SNX29: variants seen among roughly 807,000 people sequenced by gnomAD.
SNX29 encodes the protein sorting nexin 29, also known as sorting nexin-29.
A neutral mutation model predicts 102.1 loss-of-function variants in SNX29; 78 were observed. The observed-to-expected ratio is 0.76, with a 90% CI of 0.64 to 0.92. SNX29 has a LOEUF of 0.92. SNX29 is among the 40% of genes least tolerant of loss of function. SNX29 has a pLI of 0.00. For missense variants in SNX29, 1,280 were observed against 1,061.7 expected (o/e 1.21, Z -2.86); for synonymous variants, 580 against 414.5 (o/e 1.40, Z -4.85).
At chr16:12,441,089 C>CTT (rs34125065) in intron 18 of SNX29, among the ~76,000 whole-genome samples, 7 of 102,690 alleles carry the variant, frequency 6.8e-5, no homozygotes, top group Non-Finnish European at 1.1e-4. Flanking sequence ...TACTTCATTC[C>CTT]TTTTTTTTTT....
chr16:12,094,302 A>G (rs4781179), intron 11 of SNX29, among the ~76,000 whole-genome samples: 4,190 of 152,334 alleles, frequency 0.028, 77 homozygotes, highest in Non-Finnish European at 0.042. Flanking sequence ...CCAAGAGAGT[A>G]TCTGGCATCT....
intron 18 of SNX29, among the ~76,000 whole-genome samples, chr16:12,465,851 A>G (rs890067353): frequency 4.0e-5 from 6 of 148,730 alleles, no homozygotes; most frequent in African/African-American, 1.5e-4. Flanking sequence ...TTTTTTTTTC[A>G]GTTTATTTCA....
chr16:12,458,759 C>G (rs191729087), intron 18 of SNX29, among the ~76,000 whole-genome samples: 3 of 152,250 alleles, frequency 2.0e-5, no homozygotes, highest in Admixed American at 2.0e-4. Flanking sequence ...CACTCCCCTT[C>G]TCTTCCTGCA....
intron 19 of SNX29, among the ~76,000 whole-genome samples, chr16:12,502,866 A>AG (rs983705857): frequency 2.0e-5 from 3 of 152,186 alleles, no homozygotes; most frequent in Admixed American, 2.0e-4. Context: ...TCATGGTTAA[A>AG]GGTCACTACT....
At chr16:12,231,543 C>G (rs72786309) in intron 14 of SNX29, among the ~76,000 whole-genome samples, 1 of 50,726 alleles carries the variant, frequency 2.0e-5, no homozygotes, top group Non-Finnish European at 8.1e-5. Context: ...AAAAAAAAAA[C>G]AAAAAACAAA....
chr16:12,539,592 C>A (rs113096170), intron 20 of SNX29, among the ~76,000 whole-genome samples: 3 of 152,116 alleles, frequency 2.0e-5, no homozygotes, highest in Non-Finnish European at 4.4e-5. Flanking sequence ...CATTTCTGTG[C>A]GGCAAATACC....
At chr16:12,160,591 A>G (rs1173850588) in intron 13 of SNX29, among the ~76,000 whole-genome samples, 1 of 152,078 alleles carries the variant, frequency 6.6e-6, no homozygotes, top group Non-Finnish European at 1.5e-5. Context: ...CTGCTAATGG[A>G]TATAGGTTTT....
intron 13 of SNX29, among the ~76,000 whole-genome samples, chr16:12,140,232 G>C (rs2054822328): frequency 6.6e-6 from 1 of 152,130 alleles, no homozygotes; most frequent in Admixed American, 6.5e-5. Flanking sequence ...TTCATTCTTA[G>C]GTAACTCTTC....
At chr16:12,524,268 G>A (rs951600726) in intron 19 of SNX29, among the ~76,000 whole-genome samples, 35 of 152,104 alleles carry the variant, frequency 2.3e-4, no homozygotes, top group African/African-American at 7.2e-4. Context: ...TTAAGCCGGT[G>A]CTCTGGAGTG....
At chr16:12,550,102 A>C (rs1015380070) in intron 20 of SNX29, among the ~76,000 whole-genome samples, 2 of 152,260 alleles carry the variant, frequency 1.3e-5, no homozygotes, top group African/African-American at 2.4e-5. Flanking sequence ...ATGGGCTAGA[A>C]TACTGAGGCT....
At position 12,524,848 on chromosome 16, in the gene SNX29, A is replaced by G. The variant is rs1400758665; in HGVS notation, c.2318+7A>G. 5 of 1,610,186 alleles carry G rather than the reference A, an allele frequency of 3.1e-6. No homozygotes were observed. The African/African-American group carries it at 6.7e-5, about 22-fold the overall frequency. On this transcript the variant is annotated splice_region_variant and intron_variant, in intron 20 of 20. Coordinates refer to ENST00000566228, the MANE Select transcript of SNX29 (RefSeq NM_032167.5). Reference sequence around the variant, plus strand: ...AGCTGATGCCCTTCTTCGTGTAAGTACTGCTCCCACGGACATGGGCCGCCA... The same window carrying G: ...AGCTGATGCCCTTCTTCGTGTAAGTGCTGCTCCCACGGACATGGGCCGCCA...
intron 13 of SNX29, among the ~76,000 whole-genome samples, chr16:12,164,021 A>G (rs148633131): frequency 3.3e-5 from 5 of 152,188 alleles, no homozygotes; most frequent in African/African-American, 9.7e-5. Context: ...CAAAGGACCT[A>G]TGGAGTGGGA....
intron 16 of SNX29, among the ~76,000 whole-genome samples, chr16:12,386,503 C>T (rs2083346660): frequency 6.6e-6 from 1 of 152,200 alleles, no homozygotes; most frequent in African/African-American, 2.4e-5. Context: ...CCACGCTCTT[C>T]ACTGCTCTGC....
chr16:12,305,400 G>A (rs762054729), intron 15 of SNX29, among the ~76,000 whole-genome samples: 2 of 152,206 alleles, frequency 1.3e-5, no homozygotes, highest in East Asian at 1.9e-4. Flanking sequence ...AGGGCACAGC[G>A]CCGAGGGCGT....
intron 20 of SNX29, among the ~76,000 whole-genome samples, chr16:12,549,176 G>C (rs1597920164): frequency 6.6e-6 from 1 of 152,274 alleles, no homozygotes; most frequent in African/African-American, 2.4e-5. Flanking sequence ...TTCATGGAGT[G>C]TCTGCAGGGG....
chr16:12,357,547 A>T lies in SNX29; in HGVS notation c.1899+1268A>T, dbSNP rs2082171134. On this transcript the variant is annotated intron_variant, in intron 16 of 20. Coordinates refer to ENST00000566228, the MANE Select transcript of SNX29 (RefSeq NM_032167.5). ...TAAAAATTAGGGTAAAATATACCTA[A>T]CATAACTTGTACCATTTTAACCATC... Among the ~76,000 whole-genome samples the T allele has an allele frequency of 2.0e-5, 3 of 152,196 alleles. No individual in the cohort carries two copies. In the South Asian group the frequency reaches 6.2e-4, roughly 31 times the overall value.
chr16:12,128,699 C>T (rs759894957), intron 12 of SNX29, among the ~76,000 whole-genome samples: 14 of 152,074 alleles, frequency 9.2e-5, no homozygotes, highest in East Asian at 7.7e-4. Context: ...GTGATCCACC[C>T]GCCTTGGCCT....
intron 12 of SNX29, among the ~76,000 whole-genome samples, chr16:12,127,269 A>T (rs2054255095): frequency 6.6e-6 from 1 of 151,788 alleles, no homozygotes; most frequent in East Asian, 1.9e-4. Flanking sequence ...AAAAAAAAAA[A>T]ATAAAATAAA....
In SNX29 at chr16:12,383,716, G is replaced by A. The variant is rs141958582; in HGVS notation, c.1900-14730G>A. Among the ~76,000 whole-genome samples, 839 of 149,648 alleles carry A rather than the reference G, an allele frequency of 5.6e-3. 5 individuals carry two copies. Among genetic ancestry groups the A allele is most frequent in the African/African-American group, 0.02 (796 of 40,594 alleles). On this transcript the variant is annotated intron_variant, in intron 16 of 20. Coordinates refer to ENST00000566228, the MANE Select transcript of SNX29 (RefSeq NM_032167.5). ...CTCTCAAAGTGCTAGGATTACAGGC[G>A]TGAGCCAGCACGCCCAGCCTGATGT...
Sources: gnomAD v4.1 joint callset for allele counts (sites outside exome capture counted in the v4.1 genomes callset) on GRCh38, gnomAD v4.1.1 for gene constraint, MANE v1.5 for transcripts, NCBI Gene and HGNC (gene_info 2026-07-23, HGNC 2026-07-21) for gene names.